GML: variants seen among roughly 807,000 people sequenced by gnomAD.
The protein encoded by GML is glycosylphosphatidylinositol anchored molecule like.
Under a neutral mutation model 8.2 loss-of-function variants are expected in GML, and 5 were observed. The ratio of observed to expected loss-of-function variants is 0.61; its 90% CI spans 0.32 to 1.28. The LOEUF is 1.28. Among genes scored for constraint, GML ranks in the 50% most tolerant of loss-of-function variants. The pLI is 0.06. For synonymous variants in GML, 72 were observed against 69.0 expected (o/e 1.04, Z -0.22); for missense variants, 191 against 198.3 (o/e 0.96, Z 0.22).
intron 3 of GML, among the ~76,000 whole-genome samples, chr8:142,843,299 C>CACACA (rs1816463557): frequency 1.6e-4 from 24 of 147,484 alleles, no homozygotes; most frequent in East Asian, 3.9e-4. Flanking sequence ...CACACACACA[C>CACACA]CATAACCCCA....
At chr8:142,836,915 T>C (rs1002698398) in intron 1 of GML, among the ~76,000 whole-genome samples, 5 of 152,180 alleles carry the variant, frequency 3.3e-5, no homozygotes, top group East Asian at 1.9e-4. Flanking sequence ...CTTTCTGAAA[T>C]TGAAATCTTT....
chr8:142,840,085 T>C (rs892384865), intron 1 of GML, among the ~76,000 whole-genome samples: 1 of 152,140 alleles, frequency 6.6e-6, no homozygotes, highest in Admixed American at 6.5e-5. Flanking sequence ...AAGCCGCTGT[T>C]GAGGTTCAGA....
chr8:142,838,126 G>A (rs1241206864), intron 1 of GML, among the ~76,000 whole-genome samples: 3 of 147,770 alleles, frequency 2.0e-5, no homozygotes, highest in Non-Finnish European at 3.0e-5. Context: ...TCTGTCCAAG[G>A]GCCTTTCAAA....
chr8:142,844,096 A>G, intron 3 of GML, among the ~76,000 whole-genome samples: 1 of 100,524 alleles, frequency 9.9e-6, no homozygotes, highest in East Asian at 3.9e-4. Context: ...CTTAATCAAA[A>G]CGGTTTGGTG....
intron 1 of GML, among the ~76,000 whole-genome samples, chr8:142,839,225 GGA>G (rs1381193996): frequency 1.1e-4 from 16 of 152,178 alleles, no homozygotes; most frequent in South Asian, 2.1e-4. Flanking sequence ...CTGGCTGGCT[GGA>G]CGAGTCAGGA....
intron 3 of GML, among the ~76,000 whole-genome samples, chr8:142,843,409 G>A (rs1816465004): frequency 6.6e-6 from 1 of 152,018 alleles, no homozygotes; most frequent in Admixed American, 6.5e-5. Flanking sequence ...AGAGATGATT[G>A]TAGATGCTGA....
chr8:142,843,946 C>T (rs908342508), intron 3 of GML, among the ~76,000 whole-genome samples: 1 of 152,190 alleles, frequency 6.6e-6, no homozygotes, highest in Non-Finnish European at 1.5e-5. Flanking sequence ...CAGTCAAAGT[C>T]TCAGCAGGGG....
At chr8:142,844,053 G>A (rs935601221) in intron 3 of GML, among the ~76,000 whole-genome samples, 3 of 144,984 alleles carry the variant, frequency 2.1e-5, no homozygotes, top group South Asian at 2.4e-4. Context: ...AAAAAAGCTC[G>A]AGGACTTGTG....
At chr8:142,838,927 C>G (rs4736339) in intron 1 of GML, among the ~76,000 whole-genome samples, 22,779 of 152,162 alleles carry the variant, frequency 0.15, 2,094 homozygotes, top group East Asian at 0.48. Flanking sequence ...CCCATCCACC[C>G]CAAGATCCAG....
At chr8:142,844,412 G>A (rs952464335) in intron 3 of GML, among the ~76,000 whole-genome samples, 7 of 152,028 alleles carry the variant, frequency 4.6e-5, no homozygotes, top group East Asian at 1.9e-4. Flanking sequence ...TTAAAAAATC[G>A]AACAAAATAG....
chr8:142,839,977 C>T (rs1816402775), intron 1 of GML, among the ~76,000 whole-genome samples: 1 of 152,206 alleles, frequency 6.6e-6, no homozygotes, highest in Non-Finnish European at 1.5e-5. Context: ...TCACCTTGGC[C>T]CTCGTGTTGC....
Sources: gnomAD v4.1 joint callset for allele counts (sites outside exome capture counted in the v4.1 genomes callset) on GRCh38, gnomAD v4.1.1 for gene constraint, MANE v1.5 for transcripts, NCBI Gene and HGNC (gene_info 2026-07-23, HGNC 2026-07-21) for gene names.